The following GRK2 variants were observed in gnomAD, a reference collection of about 807,000 sequenced individuals.
GRK2 encodes G protein-coupled receptor kinase 2.
In GRK2, 23 loss-of-function variants were observed where a neutral mutation model predicts 97.8. The ratio of observed to expected loss-of-function variants is 0.24; its 90% CI spans 0.17 to 0.33. The LOEUF (loss-of-function observed/expected upper bound fraction) is 0.33. GRK2 is among the 10% of genes least tolerant of loss of function. The probability of loss-of-function intolerance (pLI) is 1.00; values close to 1 mark genes in which losing one functional copy is unlikely to be tolerated. For missense variants in GRK2, 633 were observed against 956.9 expected (o/e 0.66, Z 4.47); for synonymous variants, 425 against 381.7 (o/e 1.11, Z -1.32).
chr11:67,280,652 C>T (rs1240664988), intron 6 of GRK2, 80 bp from the exon 7 acceptor site: 53 of 1,516,712 alleles, frequency 3.5e-5, no homozygotes, highest in Admixed American at 2.2e-4. Context: ...CAGGGAGTGG[C>T]GGCTGGGTGG....
chr11:67,283,256 T>C (rs777269641), intron 15 of GRK2, 28 bp downstream of exon 15: 3 of 1,581,392 alleles, frequency 1.9e-6, no homozygotes, highest in Non-Finnish European at 1.7e-6. Flanking sequence ...TTGGGCATGC[T>C]GCTGGCTGTG....
chr11:67,282,028 C>A lies in GRK2; in HGVS notation c.957+76C>A. 6.3e-7 allele frequency: 1 copy of A among 1,586,228 alleles called. No individual in the cohort carries two copies. The highest frequency in any genetic ancestry group is 2.2e-5 in the East Asian group (1 of 44,624). On this transcript the variant is annotated intron_variant, in intron 11 of 20. Transcript: ENST00000308595. This position sits in a 1 kb window ranked among gnomAD's most constrained non-coding sequence, Gnocchi z 6.9. ...TCCTCTCGACATCCCGGCCACCAGG[C>A]CCAGAGGAGTGGGGCTCCTGGGACA... is the stretch of plus-strand genomic sequence containing the variant.
At chr11:67,284,764 G>C in intron 18 of GRK2, 83 bp from the exon 19 acceptor site, 1 of 1,517,444 alleles carries the variant, frequency 6.6e-7, no homozygotes, top group Non-Finnish European at 8.9e-7. Context: ...CCTCCAGCCT[G>C]GGCAACAGAG....
At position 67,285,301 on chromosome 11, in the gene GRK2, G is replaced by C. The variant is rs781649971; in HGVS notation, c.1921G>C (p.Val641Leu). 1.2e-6 allele frequency: 2 copies of C among 1,609,360 alleles called. No individual in the cohort carries two copies. Among genetic ancestry groups the C allele is most frequent in the East Asian group, 4.5e-5 (2 of 44,806 alleles). ...ILQCDSDPEL[V>L]QWKKELRDAY... ...GCATGTGCAGAGCGACCCTGAGCTG[G>C]TGCAGTGGAAGAAGGAGCTGCGCGA... is the stretch of plus-strand genomic sequence containing the variant. Residue 641 changes from valine to leucine, a missense_variant, in exon 21 of 21, where the codon GTG becomes CTG. Coordinates refer to ENST00000308595, the MANE Select transcript of GRK2 (RefSeq NM_001619.5).
intron 18 of GRK2, 30 bp from the exon 19 acceptor site, chr11:67,284,817 C>G (rs55793810): frequency 1.9e-6 from 3 of 1,606,510 alleles, no homozygotes; most frequent in South Asian, 2.2e-5. Context: ...CAGGTGGGGC[C>G]GGCTGAGTCT....
chr11:67,270,271 G>T (rs1326573840), intron 1 of GRK2, among the ~76,000 whole-genome samples: 1 of 152,116 alleles, frequency 6.6e-6, no homozygotes, highest in Admixed American at 6.5e-5. Flanking sequence ...GAGGAGCCCT[G>T]CCTGGGCGCT....
In GRK2 at chr11:67,281,931, C is replaced by T. The variant is rs1247441425; in HGVS notation, c.936C>T (p.Phe312=). The T allele has an allele frequency of 9.9e-6, 16 of 1,613,304 alleles. No individual in the cohort carries two copies. Among genetic ancestry groups the T allele is most frequent in the Non-Finnish European group, 1.4e-5 (16 of 1,179,986 alleles). Residue 312 remains phenylalanine, a synonymous_variant, in exon 11 of 21, where the codon TTC becomes TTT. Transcript: ENST00000308595. This position sits in a 1 kb window ranked among gnomAD's most constrained non-coding sequence, Gnocchi z 5.7. ...GCCTGGAGCACATGCACAACCGCTT[C>T]GTGGTCTACCGGGACCTGAAGGTGA... The part of the protein sequence containing the change: ...ILGLEHMHNR[F]VVYRDLKPAN...
intron 1 of GRK2, among the ~76,000 whole-genome samples, chr11:67,275,620 T>C (rs1860013502): frequency 6.6e-6 from 1 of 152,190 alleles, no homozygotes; most frequent in Non-Finnish European, 1.5e-5. Context: ...TGAAGCCCCC[T>C]GGTTTGCAAG....
intron 1 of GRK2, chr11:67,270,943 C>G (rs1342875789): frequency 6.6e-6 from 1 of 152,194 alleles, no homozygotes; most frequent in Non-Finnish European, 1.5e-5. Flanking sequence ...AGTAAGTTCC[C>G]GGTGACGTCA....
chr11:67,281,298 C>A lies in GRK2; in HGVS notation c.647+114C>A. ...GCTGCTCCATGCACTCCTGTCTTGC[C>A]GTGCTGTTACCCCCGCAGGCTCCTC... On this transcript the variant is annotated intron_variant, in intron 8 of 20. Transcript: ENST00000308595. This position sits in a 1 kb window ranked among gnomAD's most constrained non-coding sequence, Gnocchi z 5.7. 1 of 1,106,626 alleles carries A rather than the reference C, an allele frequency of 9.0e-7. No individual in the cohort carries two copies. Among genetic ancestry groups the A allele is most frequent in the Non-Finnish European group, 1.3e-6 (1 of 753,440 alleles). 68.6% of individuals were successfully genotyped at this position (1,106,626 alleles called of 1,614,324 possible).
rs1590856584 is a variant in GRK2 at position 67,285,083 on chromosome 11, G to C, written c.1800G>C (p.Leu600=). 6.2e-7 allele frequency: 1 copy of C among 1,613,304 alleles called. No individual in the cohort carries two copies. The highest frequency in any genetic ancestry group is 8.5e-7 in the Non-Finnish European group (1 of 1,179,934). The change falls in exon 20 of 21, where the codon CTG becomes CTC. Residue 600 remains leucine (L), a synonymous_variant. Coordinates refer to ENST00000308595, the MANE Select transcript of GRK2 (RefSeq NM_001619.5). ...CATCCCTGGCCCTGCAGCAGAGCCTGCTGACCATGGAGGAGATCCAGTCGG... is the reference window on the plus strand; with the variant it reads ...CATCCCTGGCCCTGCAGCAGAGCCTCCTGACCATGGAGGAGATCCAGTCGG... ...WRGEGEAPQS[L]LTMEEIQSVE...
At chr11:67,271,508 GTTC>G (rs1859907097) in intron 1 of GRK2, among the ~76,000 whole-genome samples, 1 of 152,246 alleles carries the variant, frequency 6.6e-6, no homozygotes. Context: ...CTGGAAGTTT[GTTC>G]TTGGTGCATT....
At position 67,266,793 on chromosome 11, in the gene GRK2, A is replaced by T; in HGVS notation, c.94A>T (p.Ile32Phe). The change falls in exon 1 of 21, where the codon ATC becomes TTC. Residue 32 changes from isoleucine (I) to phenylalanine (F), a missense_variant. Transcript: ENST00000308595. ...GCCGGCCGCGCGCGCCAGCAAGAAG[A>T]TCCTGCTGCCCGAGCCCAGGTGAGG... ...ATPAARASKKILLPEPSIRSV... is the reference protein window; with the variant it reads ...ATPAARASKKFLLPEPSIRSV... 7.4e-7 allele frequency: 1 copy of T among 1,353,424 alleles called. No homozygotes were observed. Among genetic ancestry groups the T allele is most frequent in the African/African-American group, 1.5e-5 (1 of 65,552 alleles). The allele number at this position is 1,353,424 out of a possible 1,614,324, so 83.8% of individuals were successfully genotyped here.
rs1860230529 is a variant in GRK2 at position 67,284,636 on chromosome 11, A to C, written c.1655-211A>C. 6.6e-6 allele frequency: 5 copies of C among 755,874 alleles called. No individual in the cohort carries two copies. The East Asian group carries it at 1.4e-4, about 21-fold the overall frequency. The allele number at this position is 755,874 out of a possible 1,614,324, so 46.8% of individuals were successfully genotyped here. ...CCTGTCTCTACCAAAAAATACCAAA[A>C]AAATTAGCCGGGCATGGTGGCACGC... On this transcript the variant is annotated intron_variant, in intron 18 of 20. Coordinates refer to ENST00000308595, the MANE Select transcript of GRK2 (RefSeq NM_001619.5).
chr11:67,275,360 T>C (rs1219803924), intron 1 of GRK2, among the ~76,000 whole-genome samples: 1 of 152,230 alleles, frequency 6.6e-6, no homozygotes, highest in African/African-American at 2.4e-5. Context: ...AGACGGCTCT[T>C]CTGGCTGAAG....
chr11:67,281,320 C>T lies in GRK2; in HGVS notation c.647+136C>T, dbSNP rs138712389. On this transcript the variant is annotated intron_variant, in intron 8 of 20. Coordinates refer to ENST00000308595, the MANE Select transcript of GRK2 (RefSeq NM_001619.5). This position sits in a 1 kb window ranked among gnomAD's most constrained non-coding sequence, Gnocchi z 5.7. ...TGCCGTGCTGTTACCCCCGCAGGCT[C>T]CTCTGGCCCCAGCCCTCCCTGTCTC... The T allele has an allele frequency of 3.2e-4, 344 of 1,079,756 alleles. 2 individuals are homozygous for T. The African/African-American group carries it at 4.3e-3, about 14-fold the overall frequency. The allele number at this position is 1,079,756 out of a possible 1,614,324, so 66.9% of individuals were successfully genotyped here. A position where few individuals can be genotyped will look rare whatever the true frequency, so the allele number is the denominator to read the frequency against.
chr11:67,280,632 C>CA (rs1251349602), intron 6 of GRK2, 100 bp from the exon 7 acceptor site: 3 of 1,375,074 alleles, frequency 2.2e-6, no homozygotes, highest in African/African-American at 1.4e-5. Flanking sequence ...CACCTACCCT[C>CA]ACGGGACCCC....
chr11:67,277,361 G>C lies in GRK2; in HGVS notation c.190+13G>C. On this transcript the variant is annotated intron_variant, in intron 2 of 20. Coordinates refer to ENST00000308595, the MANE Select transcript of GRK2 (RefSeq NM_001619.5). ...TCCCAGAAGCTGGGTGAGTATGGCA[G>C]TGGCTCTGCCAGCCACCGGACTTAA... The C allele has an allele frequency of 6.2e-7, 1 of 1,612,030 alleles. No individual in the cohort carries two copies. Among genetic ancestry groups the C allele is most frequent in the Non-Finnish European group, 8.5e-7 (1 of 1,178,706 alleles).
chr11:67,279,078 C>T (rs1457724699), intron 2 of GRK2, 122 bp from the exon 3 acceptor site: 9 of 801,780 alleles, frequency 1.1e-5, no homozygotes, highest in Admixed American at 5.9e-5. Context: ...TGCCTGGGGC[C>T]GAGACCACCT....
Sources: gnomAD v4.1 joint callset for allele counts (sites outside exome capture counted in the v4.1 genomes callset) on GRCh38, gnomAD v4.1.1 for gene constraint, Gnocchi (gnomAD v3.1) non-coding constraint, MANE v1.5 for transcripts, NCBI Gene and HGNC (gene_info 2026-07-23, HGNC 2026-07-21) for gene names.